The following MARCHF6 variants were observed in gnomAD, a reference collection of about 807,000 sequenced individuals.
MARCHF6 encodes E3 ubiquitin-protein ligase MARCHF6.
A neutral mutation model predicts 133.7 loss-of-function variants in MARCHF6; 31 were observed. That is an observed-to-expected ratio of 0.23 (90% CI 0.17 to 0.31). The LOEUF (loss-of-function observed/expected upper bound fraction) is 0.31. Among genes scored for constraint, MARCHF6 ranks in the 10% least tolerant of loss-of-function variants. MARCHF6 has a pLI of 1.00. For missense variants in MARCHF6, 723 were observed against 1,121.6 expected (o/e 0.64, Z 5.08); for synonymous variants, 395 against 402.5 (o/e 0.98, Z 0.22).
chr5:10,404,611 G>A (rs948942326), intron 15 of MARCHF6, among the ~76,000 whole-genome samples: 2 of 152,162 alleles, frequency 1.3e-5, no homozygotes, highest in Non-Finnish European at 2.9e-5. Context: ...GGTTTACACG[G>A]AGACGGGTGA....
chr5:10,379,487 G>T (rs913183496), intron 3 of MARCHF6, among the ~76,000 whole-genome samples: 23 of 149,864 alleles, frequency 1.5e-4, no homozygotes, highest in Non-Finnish European at 2.1e-4. Flanking sequence ...ACAGAATCTC[G>T]CTCTGTTCTG....
chr5:10,356,402 A>AT (rs1465930656), intron 1 of MARCHF6, among the ~76,000 whole-genome samples: 1 of 138,506 alleles, frequency 7.2e-6, no homozygotes, highest in African/African-American at 2.8e-5. Context: ...ATTTTATTTT[A>AT]TTTTATTTTC....
intron 22 of MARCHF6, among the ~76,000 whole-genome samples, chr5:10,418,753 T>C (rs1057150849): frequency 1.3e-5 from 2 of 152,222 alleles, no homozygotes; most frequent in Non-Finnish European, 2.9e-5. Flanking sequence ...CACCCTGGAT[T>C]GTATCACCCA....
At chr5:10,356,098 G>C (rs904737217) in intron 1 of MARCHF6, among the ~76,000 whole-genome samples, 5 of 151,990 alleles carry the variant, frequency 3.3e-5, no homozygotes, top group Admixed American at 3.3e-4. Flanking sequence ...TAAAGGAAAA[G>C]GGAGGGTTAT....
rs1018694197 is a variant in MARCHF6 at position 10,433,909 on chromosome 5, T to C, written c.*225T>C. The C allele has an allele frequency of 7.6e-6, 4 of 524,834 alleles. No homozygotes were observed. The African/African-American group carries it at 7.7e-5, about 10-fold the overall frequency. 32.5% of individuals were successfully genotyped at this position (524,834 alleles called of 1,614,324 possible). ...TTGTATATGTGTAAATACAAGTTCC[T>C]TGATACCCTAAAACCTTGGATTAAA... On this transcript the variant is annotated 3_prime_UTR_variant, in exon 26 of 26. Transcript: ENST00000274140.
intron 17 of MARCHF6, among the ~76,000 whole-genome samples, chr5:10,408,065 C>G (rs1275369973): frequency 6.6e-6 from 1 of 151,844 alleles, no homozygotes; most frequent in South Asian, 2.1e-4. Flanking sequence ...GTCATTATCC[C>G]AATTGCAGGC....
chr5:10,359,858 T>G (rs1735705964), intron 1 of MARCHF6, among the ~76,000 whole-genome samples: 1 of 151,820 alleles, frequency 6.6e-6, no homozygotes, highest in Non-Finnish European at 1.5e-5. Flanking sequence ...TAGAAAAAAT[T>G]AGCTGGATGT....
At chr5:10,431,626 A>AGTGTGT (rs10574367) in intron 25 of MARCHF6, among the ~76,000 whole-genome samples, 61 of 148,492 alleles carry the variant, frequency 4.1e-4, no homozygotes, top group East Asian at 2.4e-3. Flanking sequence ...AGAGTGAGTG[A>AGTGTGT]GTGTGTGTGT....
intron 21 of MARCHF6, 72 bp from the exon 22 acceptor site, chr5:10,417,198 A>G (rs1739559790): frequency 1.3e-6 from 2 of 1,556,358 alleles, no homozygotes; most frequent in African/African-American, 1.4e-5. Flanking sequence ...ATCAGTCTCA[A>G]ACCTCAAAAT....
chr5:10,353,749 T>TCCCTCTC lies in MARCHF6; in HGVS notation c.-141_-135dup. The TCCCTCTC allele has an allele frequency of 2.6e-6, 1 of 384,370 alleles. No individual in the cohort carries two copies. The allele number at this position is 384,370 out of a possible 1,614,324, so 23.8% of individuals were successfully genotyped here. On this transcript the variant is annotated 5_prime_UTR_variant, in exon 1 of 26. Coordinates refer to ENST00000274140, the MANE Select transcript of MARCHF6 (RefSeq NM_005885.4). ...CGCTTTCTGTCAGCCTCTCTCCCTCTCCCTCTCCCCTCTCCTTCCTCTCGC... is the reference window on the plus strand; with the variant it reads ...CGCTTTCTGTCAGCCTCTCTCCCTCTCCCTCTCCCCTCTCCCCTCTCCTTCCTCTCGC...
At chr5:10,360,144 GTTTTTTTT>G (rs1164778520) in intron 1 of MARCHF6, among the ~76,000 whole-genome samples, 1 of 75,096 alleles carries the variant, frequency 1.3e-5, no homozygotes, top group Non-Finnish European at 2.4e-5. Flanking sequence ...ATGTGTGTGT[GTTTTTTTT>G]TTTTTTTTTT....
chr5:10,356,788 C>T, intron 1 of MARCHF6, among the ~76,000 whole-genome samples: 1 of 152,238 alleles, frequency 6.6e-6, no homozygotes, highest in East Asian at 1.9e-4. Flanking sequence ...GTAAGTCTTC[C>T]CTTCCTTTTA....
At chr5:10,414,585 C>T (rs951999680) in intron 20 of MARCHF6, 83 bp downstream of exon 20, 8 of 1,114,596 alleles carry the variant, frequency 7.2e-6, no homozygotes, top group Admixed American at 3.7e-5. Context: ...CTCTGTTCCC[C>T]AGTCTGGAGG....
chr5:10,362,192 G>C (rs564645163), intron 1 of MARCHF6, among the ~76,000 whole-genome samples: 15 of 152,302 alleles, frequency 9.8e-5, no homozygotes, highest in African/African-American at 3.4e-4. Context: ...GTGCAGTTCT[G>C]TTATAACACT....
At position 10,367,025 on chromosome 5, in the gene MARCHF6, C is replaced by A. The variant is rs1017015971; in HGVS notation, c.20-10773C>A. Among the ~76,000 whole-genome samples the A allele has an allele frequency of 1.1e-4, 3 of 26,374 alleles. No individual in the cohort carries two copies. In the East Asian group the frequency reaches 3.3e-3, roughly 29 times the overall value. The allele number at this position is 26,374 out of a possible 152,430, so 17.3% of individuals were successfully genotyped here. A position where few individuals can be genotyped will look rare whatever the true frequency, so the allele number is the denominator to read the frequency against. On this transcript the variant is annotated intron_variant, in intron 1 of 25. Transcript: ENST00000274140. ...TATGATATGATATAAGATGCCACTT[C>A]ATGTGATTTTTTTCCTTCCCAAAAC...
rs575059764 is a variant in MARCHF6 at position 10,374,351 on chromosome 5, C to T, written c.20-3447C>T. Among the ~76,000 whole-genome samples the T allele has an allele frequency of 3.3e-5, 5 of 152,254 alleles. No homozygotes were observed. In the East Asian group the frequency reaches 9.6e-4, roughly 29 times the overall value. On this transcript the variant is annotated intron_variant, in intron 1 of 25. Transcript: ENST00000274140. The stretch of plus-strand genomic sequence containing the variant: ...ATGCTTGTTTTTGGATCTTAACGTG[C>T]TGCCGGGGTCCATTGCAAGAAAGTC...
In MARCHF6 at chr5:10,353,762, T is replaced by C; in HGVS notation, c.-137T>C. 2 of 480,626 alleles carry C rather than the reference T, an allele frequency of 4.2e-6. No individual in the cohort carries two copies. Among genetic ancestry groups the C allele is most frequent in the Non-Finnish European group, 7.4e-6 (2 of 271,908 alleles). The allele number at this position is 480,626 out of a possible 1,614,324, so 29.8% of individuals were successfully genotyped here. Reference sequence around the variant, plus strand: ...CCTCTCTCCCTCTCCCTCTCCCCTCTCCTTCCTCTCGCTTCCTCTCTCGCA... The same window carrying C: ...CCTCTCTCCCTCTCCCTCTCCCCTCCCCTTCCTCTCGCTTCCTCTCTCGCA... On this transcript the variant is annotated 5_prime_UTR_variant, in exon 1 of 26. Coordinates refer to ENST00000274140, the MANE Select transcript of MARCHF6 (RefSeq NM_005885.4).
chr5:10,426,732 T>C (rs984426468), intron 24 of MARCHF6, among the ~76,000 whole-genome samples: 26 of 152,232 alleles, frequency 1.7e-4, no homozygotes, highest in Admixed American at 1.2e-3. Flanking sequence ...TACAGTTCTT[T>C]TCTCTACCAG....
intron 1 of MARCHF6, 160 bp downstream of exon 1, chr5:10,354,077 G>T: frequency 1.7e-6 from 1 of 587,834 alleles, no homozygotes; most frequent in South Asian, 4.4e-5. Context: ...AGCGGAAGGT[G>T]ACCCTCTGCG....
Sources: allele counts gnomAD v4.1 joint callset (sites outside exome capture counted in the v4.1 genomes callset), GRCh38; gene constraint gnomAD v4.1.1; transcripts MANE v1.5; gene names NCBI Gene and HGNC (gene_info 2026-07-23, HGNC 2026-07-21).